Variants in NXPH1 observed in about 807,000 individuals in gnomAD.
NXPH1 encodes neurexophilin 1.
Under a neutral mutation model 23.7 loss-of-function variants are expected in NXPH1, and 5 were observed. That is an observed-to-expected ratio of 0.21 (90% CI 0.11 to 0.44). The LOEUF (loss-of-function observed/expected upper bound fraction) is 0.44, where lower values mean the gene tolerates loss of function less well. Among genes scored for constraint, NXPH1 ranks in the 20% least tolerant of loss-of-function variants. NXPH1 has a pLI of 0.99. For missense variants in NXPH1, 324 were observed against 321.6 expected (o/e 1.01, Z -0.06); for synonymous variants, 144 against 122.2 (o/e 1.18, Z -1.18).
At chr7:8,535,927 T>C (rs940584382) in intron 2 of NXPH1, among the ~76,000 whole-genome samples, 1 of 152,018 alleles carries the variant, frequency 6.6e-6, no homozygotes, top group Non-Finnish European at 1.5e-5. Context: ...TTTGTTCCCA[T>C]ATCCCACCCA....
intron 2 of NXPH1, among the ~76,000 whole-genome samples, chr7:8,630,500 G>A (rs1486917933): frequency 6.6e-6 from 1 of 152,130 alleles, no homozygotes; most frequent in Non-Finnish European, 1.5e-5. Context: ...AGGAAGTAAT[G>A]CAAACAGAAC....
chr7:8,613,739 T>C (rs1819670057), intron 2 of NXPH1, among the ~76,000 whole-genome samples: 1 of 151,958 alleles, frequency 6.6e-6, no homozygotes, highest in African/African-American at 2.4e-5. Context: ...TTATATCTCA[T>C]AGTGTTTTTT....
At chr7:8,497,746 G>A (rs1817362342) in intron 2 of NXPH1, among the ~76,000 whole-genome samples, 1 of 152,040 alleles carries the variant, frequency 6.6e-6, no homozygotes, top group African/African-American at 2.4e-5. Context: ...TAAGTTCTTT[G>A]TAGATTCTGG....
intron 2 of NXPH1, among the ~76,000 whole-genome samples, chr7:8,614,878 T>C (rs921617081): frequency 6.6e-6 from 1 of 152,052 alleles, no homozygotes; most frequent in Non-Finnish European, 1.5e-5. Context: ...ATAAGAATTA[T>C]TCTATGCCTC....
intron 2 of NXPH1, among the ~76,000 whole-genome samples, chr7:8,563,702 T>C (rs182879996): frequency 6.6e-6 from 1 of 151,698 alleles, no homozygotes; most frequent in Non-Finnish European, 1.5e-5. Context: ...AATTCCTCCT[T>C]CTCTATAGAT....
chr7:8,660,907 A>C (rs1208881469), intron 2 of NXPH1, among the ~76,000 whole-genome samples: 1 of 152,116 alleles, frequency 6.6e-6, no homozygotes, highest in East Asian at 1.9e-4. Context: ...ACAAATGAAG[A>C]AAAGTATCAA....
At chr7:8,593,171 A>ATT (rs61424859) in intron 2 of NXPH1, among the ~76,000 whole-genome samples, 1,785 of 141,622 alleles carry the variant, frequency 0.013, 18 homozygotes, top group South Asian at 0.048. Context: ...AGTAAGAAGC[A>ATT]TTTTTTTTTT....
At chr7:8,702,257 C>A (rs1334299838) in intron 2 of NXPH1, among the ~76,000 whole-genome samples, 2 of 152,102 alleles carry the variant, frequency 1.3e-5, no homozygotes, top group Non-Finnish European at 2.9e-5. Context: ...TGCAAATTAT[C>A]CTAGCTGGAT....
chr7:8,697,843 A>G (rs569546161), intron 2 of NXPH1, among the ~76,000 whole-genome samples: 1 of 152,272 alleles, frequency 6.6e-6, no homozygotes, highest in East Asian at 1.9e-4. Context: ...CCGGCAAGAG[A>G]GCCAGTGTGT....
chr7:8,675,900 C>T (rs1466371776), intron 2 of NXPH1, among the ~76,000 whole-genome samples: 2 of 152,116 alleles, frequency 1.3e-5, no homozygotes, highest in African/African-American at 4.8e-5. Flanking sequence ...CACCCATTTC[C>T]ATCTAGCCTT....
chr7:8,441,318 T>C (rs1198529118), intron 2 of NXPH1, among the ~76,000 whole-genome samples: 3 of 152,130 alleles, frequency 2.0e-5, no homozygotes, highest in Non-Finnish European at 4.4e-5. Flanking sequence ...AGTTTCAGTC[T>C]TGATTTATCC....
chr7:8,616,501 C>G (rs1486708215), intron 2 of NXPH1, among the ~76,000 whole-genome samples: 3 of 152,034 alleles, frequency 2.0e-5, no homozygotes, highest in Admixed American at 6.6e-5. Flanking sequence ...GTTATGTTTA[C>G]TGCTGAAATC....
intron 2 of NXPH1, among the ~76,000 whole-genome samples, chr7:8,644,713 A>G (rs1227841216): frequency 6.6e-6 from 1 of 152,176 alleles, no homozygotes; most frequent in Non-Finnish European, 1.5e-5. Flanking sequence ...TATAAAAAAT[A>G]TAACCATTAC....
intron 2 of NXPH1, among the ~76,000 whole-genome samples, chr7:8,675,645 C>T (rs535216981): frequency 6.6e-6 from 1 of 152,114 alleles, no homozygotes; most frequent in African/African-American, 2.4e-5. Flanking sequence ...GTACAGGATG[C>T]TAGGGGAGCA....
At chr7:8,458,312 G>T (rs1210688516) in intron 2 of NXPH1, among the ~76,000 whole-genome samples, 1 of 152,170 alleles carries the variant, frequency 6.6e-6, no homozygotes, top group Non-Finnish European at 1.5e-5. Context: ...CTAAGTGGGG[G>T]AAGGAAACAA....
chr7:8,660,999 T>C lies in NXPH1; in HGVS notation c.55-90009T>C, dbSNP rs1477279458. On this transcript the variant is annotated intron_variant, in intron 2 of 2. Transcript: ENST00000405863. ...TAAGTGGCTAACACATTGCCTTATA[T>C]GGAACGATCTTTTCCTCAGGAAATC... is the stretch of plus-strand genomic sequence containing the variant. 7.4e-5 allele frequency among the ~76,000 whole-genome samples: 10 copies of C among 135,594 alleles called. No individual in the cohort carries two copies. In the East Asian group the frequency reaches 1.2e-3, roughly 16 times the overall value. 89.0% of individuals were successfully genotyped at this position (135,594 alleles called of 152,430 possible).
chr7:8,498,147 G>A (rs187946909), intron 2 of NXPH1, among the ~76,000 whole-genome samples: 15,424 of 150,952 alleles, frequency 0.1, 991 homozygotes, highest in Non-Finnish European at 0.15. Context: ...TTGTACACAC[G>A]CAAGTTATTA....
chr7:8,641,579 G>A (rs984948567), intron 2 of NXPH1, among the ~76,000 whole-genome samples: 7 of 151,980 alleles, frequency 4.6e-5, no homozygotes, highest in African/African-American at 1.7e-4. Context: ...TCAGCTATGT[G>A]TATCTGTTTC....
chr7:8,696,694 G>T (rs1779525986), intron 2 of NXPH1, among the ~76,000 whole-genome samples: 1 of 152,006 alleles, frequency 6.6e-6, no homozygotes, highest in African/African-American at 2.4e-5. Flanking sequence ...GTTGTATAGA[G>T]AGAGTAGAAT....
Sources: gnomAD v4.1 joint callset for allele counts (sites outside exome capture counted in the v4.1 genomes callset) on GRCh38, gnomAD v4.1.1 for gene constraint, MANE v1.5 for transcripts, NCBI Gene and HGNC (gene_info 2026-07-23, HGNC 2026-07-21) for gene names.